BICD1: variants seen among roughly 807,000 people sequenced by gnomAD.
The protein encoded by BICD1 is BICD cargo adaptor 1, also known as protein bicaudal D homolog 1.
In BICD1, 35 loss-of-function variants were observed where a neutral mutation model predicts 92.5. The ratio of observed to expected loss-of-function variants is 0.38; its 90% confidence interval spans 0.29 to 0.50. The LOEUF (loss-of-function observed/expected upper bound fraction) is 0.50, where lower values mean the gene tolerates loss of function less well. Ranked by LOEUF, BICD1 falls within the 20% of genes least tolerant of loss-of-function variation. The pLI, the probability that BICD1 is intolerant of heterozygous loss-of-function variation, is 0.93. For missense variants in BICD1, 950 were observed against 1,189.8 expected, an observed-to-expected ratio of 0.80 and a Z score of 2.97; for synonymous variants, 429 against 465.1, an observed-to-expected ratio of 0.92 and a Z score of 1.00.
rs560889768 is a variant in BICD1, at chr12:32,311,151, A to C, written c.1005+5029A>C. Among the ~76,000 whole-genome samples, 3 of 152,310 alleles carry C rather than the reference A, an allele frequency of 2.0e-5. No individual in the cohort carries two copies. In the East Asian group the frequency reaches 5.8e-4, roughly 29 times the overall value. On this transcript the variant is annotated intron_variant, in intron 4 of 9. Coordinates refer to ENST00000652176, the MANE Select transcript of BICD1 (RefSeq NM_001714.4). Reference sequence around the variant, plus strand: ...CATATGCCCAAGGTGGTCGGGGTACAGCTTGGTTTTATATATTTTAGGGAG... The same window carrying C: ...CATATGCCCAAGGTGGTCGGGGTACCGCTTGGTTTTATATATTTTAGGGAG...
At chr12:32,258,525 C>T (rs936936017) in intron 2 of BICD1, among the ~76,000 whole-genome samples, 8 of 151,942 alleles carry the variant, frequency 5.3e-5, no homozygotes, top group Non-Finnish European at 1.0e-4. Flanking sequence ...CAGCTGGGCC[C>T]GGGGGACCAC....
chr12:32,268,727 C>T (rs1171824641), intron 2 of BICD1, among the ~76,000 whole-genome samples: 6 of 152,066 alleles, frequency 3.9e-5, no homozygotes, highest in Non-Finnish European at 5.9e-5. Context: ...ACCCAGGAGG[C>T]GGAGGTTGCA....
chr12:32,320,370 G>C (rs532572603), intron 4 of BICD1, among the ~76,000 whole-genome samples: 2 of 152,164 alleles, frequency 1.3e-5, no homozygotes, highest in Non-Finnish European at 1.5e-5. Flanking sequence ...GGCTGGGCAC[G>C]GTGGCTCACA....
intron 2 of BICD1, among the ~76,000 whole-genome samples, chr12:32,275,415 T>G (rs1947247845): frequency 6.6e-6 from 1 of 152,162 alleles, no homozygotes; most frequent in Non-Finnish European, 1.5e-5. Context: ...CCGTCTATAT[T>G]TTTATAATTT....
chr12:32,283,253 G>GT (rs1438558525), intron 2 of BICD1, among the ~76,000 whole-genome samples: 3 of 151,952 alleles, frequency 2.0e-5, no homozygotes, highest in African/African-American at 4.8e-5. Context: ...AGGACTATTT[G>GT]TTTTTTTTAA....
intron 8 of BICD1, among the ~76,000 whole-genome samples, chr12:32,347,059 C>G (rs572357908): frequency 1.3e-5 from 2 of 150,562 alleles, no homozygotes; most frequent in South Asian, 4.2e-4. Context: ...TCAAGCGATT[C>G]TCCTGCCTCA....
chr12:32,257,024 C>T (rs924333684), intron 2 of BICD1, among the ~76,000 whole-genome samples: 2 of 152,008 alleles, frequency 1.3e-5, no homozygotes, highest in Non-Finnish European at 2.9e-5. Context: ...ACCATCCTGG[C>T]TAACATGGTG....
chr12:32,337,798 G>T lies in BICD1; in HGVS notation c.2552G>T (p.Ser851Ile). ...GPQTPNIRVS[S>I]GTQRKRQFSP... ...CAGACACCCAACATTCGGGTCAGCA[G>T]TGGCACTCAGAGGAAAAGGTATGCA... is the stretch of plus-strand genomic sequence containing the variant. Residue 851 changes from serine to isoleucine, a missense_variant, in exon 7 of 10, where the codon AGT (serine) becomes ATT (isoleucine). Transcript: ENST00000652176. This position sits in a 1 kb window ranked among gnomAD's most constrained non-coding sequence, Gnocchi z 4.7. 1 of 1,614,186 alleles carries T rather than the reference G, an allele frequency of 6.2e-7. No homozygotes were observed. The highest frequency in any genetic ancestry group is 8.5e-7 in the Non-Finnish European group (1 of 1,180,034).
chr12:32,359,481 A>T (rs1259299836), intron 8 of BICD1, among the ~76,000 whole-genome samples: 2 of 152,100 alleles, frequency 1.3e-5, no homozygotes, highest in African/African-American at 2.4e-5. Flanking sequence ...TCTTCCTCTT[A>T]TAGAGCCACC....
chr12:32,360,253 T>G (rs1939274978), intron 8 of BICD1, among the ~76,000 whole-genome samples: 1 of 152,152 alleles, frequency 6.6e-6, no homozygotes, highest in South Asian at 2.1e-4. Flanking sequence ...GTCCCTTTTT[T>G]TCTCACTTGT....
At chr12:32,311,369 C>T (rs1446072934) in intron 4 of BICD1, among the ~76,000 whole-genome samples, 1 of 152,070 alleles carries the variant, frequency 6.6e-6, no homozygotes, top group Non-Finnish European at 1.5e-5. Flanking sequence ...CATGGTGATG[C>T]ATGCCTGTAG....
chr12:32,320,320 G>A (rs960378768), intron 4 of BICD1, among the ~76,000 whole-genome samples: 2 of 151,924 alleles, frequency 1.3e-5, no homozygotes. Context: ...AGTCTGGGCT[G>A]CATAGAGAGA....
rs1232405698 is a variant in BICD1 at position 32,328,572 on chromosome 12, G to C, written c.2100+17G>C. 1 of 1,594,652 alleles carries C rather than the reference G, an allele frequency of 6.3e-7. No individual in the cohort carries two copies. On this transcript the variant is annotated intron_variant, in intron 5 of 9. Coordinates refer to ENST00000652176, the MANE Select transcript of BICD1 (RefSeq NM_001714.4). The surrounding 1 kb of genome is among the most constrained non-coding windows in gnomAD (Gnocchi z 4.4). ...AACAAGCAGGTAATCTCATTCTACT[G>C]GTGAAAGCATGCCAGTCAAAGCTTT... is the stretch of plus-strand genomic sequence containing the variant.
chr12:32,346,572 A>ACGTGTG (rs1938599970), intron 8 of BICD1, among the ~76,000 whole-genome samples: 4 of 45,446 alleles, frequency 8.8e-5, no homozygotes, highest in African/African-American at 4.3e-4. Context: ...ATATATATAT[A>ACGTGTG]TATATATATA....
intron 1 of BICD1, among the ~76,000 whole-genome samples, chr12:32,205,482 A>G (rs1349068154): frequency 1.3e-5 from 2 of 152,026 alleles, no homozygotes; most frequent in Non-Finnish European, 2.9e-5. Context: ...TATTTCCTAC[A>G]GATCTGCAGC....
chr12:32,297,459 G>C (rs1592631361), intron 3 of BICD1, among the ~76,000 whole-genome samples: 1 of 152,076 alleles, frequency 6.6e-6, no homozygotes, highest in Admixed American at 6.5e-5. Flanking sequence ...GCCTCCCAAA[G>C]TGCTGGGATT....
intron 2 of BICD1, among the ~76,000 whole-genome samples, chr12:32,222,552 A>G (rs1332889039): frequency 1.3e-5 from 2 of 152,190 alleles, no homozygotes; most frequent in Non-Finnish European, 2.9e-5. Context: ...ATGTCACCGT[A>G]GCTGCCAAGA....
At chr12:32,198,330 C>CTATATATA (rs749446989) in intron 1 of BICD1, among the ~76,000 whole-genome samples, 3,037 of 117,704 alleles carry the variant, frequency 0.026, 93 homozygotes, top group Non-Finnish European at 0.031. Context: ...ATGCATCTAT[C>CTATATATA]TATATATATA....
At chr12:32,123,149 T>C (rs181144486) in intron 1 of BICD1, among the ~76,000 whole-genome samples, 26 of 152,270 alleles carry the variant, frequency 1.7e-4, no homozygotes, top group African/African-American at 6.3e-4. Flanking sequence ...AGATGGCATG[T>C]GAAGTGGAAG....
Sources: gnomAD v4.1 joint callset for allele counts (sites outside exome capture counted in the v4.1 genomes callset) on GRCh38, gnomAD v4.1.1 for gene constraint, Gnocchi (gnomAD v3.1) non-coding constraint, MANE v1.5 for transcripts, NCBI Gene and HGNC (gene_info 2026-07-23, HGNC 2026-07-21) for gene names.